The following SLC14A2 variants were observed in gnomAD, a reference collection of about 807,000 sequenced individuals.
SLC14A2 encodes the protein solute carrier family 14 member 2, also known as urea transporter 2.
SLC14A2 carries 91 observed loss-of-function variants against 104.6 expected under a neutral mutation model. That is an observed-to-expected ratio of 0.87 (90% CI 0.73 to 1.04). The LOEUF is 1.04. Ranked by LOEUF, SLC14A2 falls within the 50% of genes least tolerant of loss-of-function variation. SLC14A2 has a pLI of 0.00. For synonymous variants in SLC14A2, 476 were observed against 466.4 expected (o/e 1.02, Z -0.27); for missense variants, 1,189 against 1,156.0 (o/e 1.03, Z -0.41).
chr18:45,419,733 C>T (rs973551628), intron 1 of SLC14A2, among the ~76,000 whole-genome samples: 21 of 151,334 alleles, frequency 1.4e-4, no homozygotes, highest in African/African-American at 5.1e-4. Flanking sequence ...GAGATCACAC[C>T]ACTGCACTCC....
intron 1 of SLC14A2, among the ~76,000 whole-genome samples, chr18:45,348,732 A>G (rs920418386): frequency 6.6e-6 from 1 of 152,240 alleles, no homozygotes; most frequent in South Asian, 2.1e-4. Flanking sequence ...TTAATAAATA[A>G]GGAAACTGAG....
At chr18:45,340,798 T>C (rs746127771) in intron 1 of SLC14A2, among the ~76,000 whole-genome samples, 4 of 152,104 alleles carry the variant, frequency 2.6e-5, no homozygotes, top group Admixed American at 6.6e-5. Flanking sequence ...AAACCTTGAG[T>C]TCTGGTTCCT....
chr18:45,488,045 TC>T (rs2087643961), intron 2 of SLC14A2, among the ~76,000 whole-genome samples: 2 of 152,124 alleles, frequency 1.3e-5, no homozygotes, highest in South Asian at 4.1e-4. Context: ...TCAGCTGTGG[TC>T]TGGAATTAAA....
chr18:45,582,668 G>A (rs571734172), intron 2 of SLC14A2, among the ~76,000 whole-genome samples: 1 of 152,138 alleles, frequency 6.6e-6, no homozygotes, highest in African/African-American at 2.4e-5. Context: ...GGGTCACACA[G>A]AGAGCTTTCT....
intron 1 of SLC14A2, among the ~76,000 whole-genome samples, chr18:45,352,419 C>T (rs1487188524): frequency 2.0e-5 from 3 of 152,148 alleles, no homozygotes; most frequent in Non-Finnish European, 4.4e-5. Context: ...GAGGAAGAGG[C>T]ACATAAGTAG....
At position 45,627,103 on chromosome 18, in the gene SLC14A2, G is replaced by A; in HGVS notation, c.477G>A (p.Gly159=). ...GGTGGACAATCACTGGGGGCCTGGGGACAGTGGTCTCGACCTTAACAGCTC... is the reference window on the plus strand; with the variant it reads ...GGTGGACAATCACTGGGGGCCTGGGAACAGTGGTCTCGACCTTAACAGCTC... The part of the protein sequence containing the change: ...NPWWTITGGL[G]TVVSTLTALA... The change falls in exon 4 of 20, where the codon GGG becomes GGA. Residue 159 remains glycine, a synonymous_variant. Transcript: ENST00000255226. 1 of 1,614,136 alleles carries A rather than the reference G, an allele frequency of 6.2e-7. No individual in the cohort carries two copies. Among genetic ancestry groups the A allele is most frequent in the East Asian group, 2.2e-5 (1 of 44,886 alleles).
chr18:45,594,350 G>C (rs763650018), intron 2 of SLC14A2, among the ~76,000 whole-genome samples: 17 of 152,122 alleles, frequency 1.1e-4, no homozygotes, highest in Admixed American at 7.2e-4. Context: ...GAGGTTCAAG[G>C]GAATCAGGGC....
intron 1 of SLC14A2, among the ~76,000 whole-genome samples, chr18:45,340,525 C>T (rs1009945112): frequency 1.1e-4 from 17 of 152,166 alleles, no homozygotes; most frequent in Non-Finnish European, 1.6e-4. Flanking sequence ...GATATTCAAT[C>T]GGAGTCCATC....
chr18:45,205,703 A>T, the SLC14A2 span, among the ~76,000 whole-genome samples: 1 of 152,224 alleles, frequency 6.6e-6, no homozygotes, highest in Non-Finnish European at 1.5e-5. Flanking sequence ...TTTTTCACAT[A>T]TTATAAACTT....
At chr18:45,682,135 A>G (rs566675110) in intron 19 of SLC14A2, among the ~76,000 whole-genome samples, 184 bp from the exon 20 acceptor site, 1 of 152,228 alleles carries the variant, frequency 6.6e-6, no homozygotes, top group Admixed American at 6.5e-5. Context: ...AAAACTGTGC[A>G]TTCACCTGTT....
chr18:45,588,157 C>T (rs951974297), intron 2 of SLC14A2, among the ~76,000 whole-genome samples: 2 of 152,058 alleles, frequency 1.3e-5, no homozygotes, highest in African/African-American at 4.8e-5. Context: ...AGGACCTGGG[C>T]CCAACAGGAA....
intron 2 of SLC14A2, among the ~76,000 whole-genome samples, chr18:45,541,827 A>C (rs1210845919): frequency 1.3e-5 from 2 of 152,098 alleles, no homozygotes; most frequent in Non-Finnish European, 2.9e-5. Context: ...CATGAGATAT[A>C]ATTTCCAGAT....
chr18:45,499,163 G>T (rs1305075370), intron 2 of SLC14A2, among the ~76,000 whole-genome samples: 1 of 152,082 alleles, frequency 6.6e-6, no homozygotes, highest in Non-Finnish European at 1.5e-5. Context: ...TTGTTTTGGG[G>T]TCACACACTC....
At chr18:45,311,297 C>A (rs1198993540) in intron 1 of SLC14A2, among the ~76,000 whole-genome samples, 1 of 152,146 alleles carries the variant, frequency 6.6e-6, no homozygotes, top group Non-Finnish European at 1.5e-5. Context: ...GCATACTTAG[C>A]CCCTGCTATA....
intron 2 of SLC14A2, among the ~76,000 whole-genome samples, chr18:45,590,963 A>G (rs1159430384): frequency 6.6e-6 from 1 of 152,154 alleles, no homozygotes; most frequent in East Asian, 1.9e-4. Context: ...CATAACCAAC[A>G]TGAGTGACTG....
At chr18:45,353,513 T>G (rs1364117116) in intron 1 of SLC14A2, among the ~76,000 whole-genome samples, 1 of 152,232 alleles carries the variant, frequency 6.6e-6, no homozygotes, top group Non-Finnish European at 1.5e-5. Context: ...TGTGACCTGG[T>G]ATAGCACAGT....
At chr18:45,447,487 G>A (rs2144600923) in intron 1 of SLC14A2, 1 of 152,250 alleles carries the variant, frequency 6.6e-6, no homozygotes, top group Non-Finnish European at 1.5e-5. Context: ...ATCACTTTAT[G>A]ACTCCAATCT....
chr18:45,418,299 A>C (rs1468571333), intron 1 of SLC14A2, among the ~76,000 whole-genome samples: 2 of 152,144 alleles, frequency 1.3e-5, no homozygotes, highest in African/African-American at 4.8e-5. Flanking sequence ...CTGCACTCTT[A>C]ATAAGAAACA....
At chr18:45,401,217 C>T (rs777928791) in intron 1 of SLC14A2, among the ~76,000 whole-genome samples, 4 of 152,154 alleles carry the variant, frequency 2.6e-5, no homozygotes, top group Non-Finnish European at 5.9e-5. Context: ...CATCCCTCAC[C>T]ACAGTACATC....
Sources: allele counts gnomAD v4.1 joint callset (sites outside exome capture counted in the v4.1 genomes callset), GRCh38; gene constraint gnomAD v4.1.1; transcripts MANE v1.5; gene names NCBI Gene and HGNC (gene_info 2026-07-23, HGNC 2026-07-21).